The following CDH2 variants were observed in gnomAD, a reference collection of about 807,000 sequenced individuals.
CDH2 encodes cadherin-2.
A neutral mutation model predicts 92.0 loss-of-function variants in CDH2; 17 were observed. The ratio of observed to expected loss-of-function variants is 0.18; its 90% confidence interval spans 0.13 to 0.28. CDH2 has a LOEUF of 0.28. Ranked by LOEUF, CDH2 falls within the 10% of genes least tolerant of loss-of-function variation. CDH2 has a pLI of 1.00. For synonymous variants in CDH2, 419 were observed against 415.9 expected (o/e 1.01, Z -0.09); for missense variants, 862 against 1,133.1 (o/e 0.76, Z 3.44).
At chr18:27,941,407 A>G (rs1028010133) in intron 6 of CDH2, among the ~76,000 whole-genome samples, 1 of 152,146 alleles carries the variant, frequency 6.6e-6, no homozygotes, top group African/African-American at 2.4e-5. Flanking sequence ...CCTAACATTT[A>G]TACAGCCTTT....
intron 6 of CDH2, among the ~76,000 whole-genome samples, chr18:27,944,608 C>G (rs1309681881): frequency 6.6e-6 from 1 of 151,988 alleles, no homozygotes; most frequent in Non-Finnish European, 1.5e-5. Context: ...TCTGCCTCCT[C>G]ATCCAAGAGT....
intron 2 of CDH2, among the ~76,000 whole-genome samples, chr18:28,093,150 C>A (rs2015066775): frequency 6.6e-6 from 1 of 151,962 alleles, no homozygotes; most frequent in Non-Finnish European, 1.5e-5. Context: ...TTTTAAAATA[C>A]AATTGATGAC....
At chr18:28,140,871 T>C (rs533953297) in intron 2 of CDH2, among the ~76,000 whole-genome samples, 2 of 145,666 alleles carry the variant, frequency 1.4e-5, no homozygotes, top group South Asian at 4.4e-4. Context: ...AACAAACAAT[T>C]TGAATAGACA....
At chr18:27,979,590 G>C (rs967225943) in intron 14 of CDH2, among the ~76,000 whole-genome samples, 1 of 152,162 alleles carries the variant, frequency 6.6e-6, no homozygotes, top group Non-Finnish European at 1.5e-5. Context: ...AAGTAGGATG[G>C]ATACATAAAA....
At chr18:28,127,744 G>A (rs918809205) in intron 2 of CDH2, among the ~76,000 whole-genome samples, 9 of 152,104 alleles carry the variant, frequency 5.9e-5, no homozygotes, top group Non-Finnish European at 1.2e-4. Context: ...ATTTCAAGAC[G>A]AATTCAAATA....
intron 14 of CDH2, among the ~76,000 whole-genome samples, chr18:27,975,410 C>A (rs992785455): frequency 6.6e-6 from 1 of 152,214 alleles, no homozygotes; most frequent in Admixed American, 6.5e-5. Flanking sequence ...ATTTTCTTGA[C>A]CTCTTTGTGG....
intron 7 of CDH2, 58 bp from the exon 8 acceptor site, chr18:27,993,695 A>AACT: frequency 1.5e-6 from 2 of 1,330,640 alleles, no homozygotes; most frequent in Non-Finnish European, 2.1e-6. Flanking sequence ...AAGACATAAC[A>AACT]GTTGTTCTGT....
At chr18:28,105,979 T>G (rs1176877577) in intron 2 of CDH2, among the ~76,000 whole-genome samples, 2 of 152,200 alleles carry the variant, frequency 1.3e-5, no homozygotes, top group Admixed American at 6.5e-5. Flanking sequence ...TTGAGTAGAA[T>G]TCATTCTCTT....
intron 14 of CDH2, among the ~76,000 whole-genome samples, chr18:27,965,778 T>A (rs2011518605): frequency 6.7e-6 from 1 of 150,120 alleles, no homozygotes; most frequent in Non-Finnish European, 1.5e-5. Context: ...AGGTCAGGAG[T>A]TCAAGACCAG....
chr18:28,128,573 C>T (rs1736895327), intron 2 of CDH2, among the ~76,000 whole-genome samples: 2 of 152,000 alleles, frequency 1.3e-5, no homozygotes, highest in South Asian at 4.2e-4. Flanking sequence ...GTAGTCCCAG[C>T]TACTTGGGAG....
intron 2 of CDH2, among the ~76,000 whole-genome samples, chr18:28,124,156 C>A (rs1329808046): frequency 6.6e-6 from 1 of 151,916 alleles, no homozygotes; most frequent in Admixed American, 6.6e-5. Flanking sequence ...AGTTTCTTCC[C>A]CACCCTCATC....
At chr18:28,069,807 A>G (rs2014581206) in intron 2 of CDH2, among the ~76,000 whole-genome samples, 3 of 152,056 alleles carry the variant, frequency 2.0e-5, no homozygotes. Flanking sequence ...TGACATTGCA[A>G]CTTTTCTGGA....
intron 2 of CDH2, among the ~76,000 whole-genome samples, chr18:28,056,088 T>A (rs985209650): frequency 6.7e-6 from 1 of 149,638 alleles, no homozygotes; most frequent in Non-Finnish European, 1.5e-5. Flanking sequence ...TTTTTTTTTT[T>A]AAGAGAAAAA....
chr18:28,034,132 G>A (rs1009470940), intron 2 of CDH2, among the ~76,000 whole-genome samples: 11 of 152,130 alleles, frequency 7.2e-5, no homozygotes, highest in African/African-American at 2.2e-4. Flanking sequence ...AGTTATGGTC[G>A]TGGTTGCGCT....
chr18:28,019,756 A>T (rs565488121), intron 2 of CDH2, among the ~76,000 whole-genome samples: 1 of 152,284 alleles, frequency 6.6e-6, no homozygotes, highest in East Asian at 1.9e-4. Flanking sequence ...GAGTTTTAAA[A>T]ACAGGTGCTA....
At chr18:28,150,489 C>T (rs28365320) in intron 1 of CDH2, among the ~76,000 whole-genome samples, 33 of 152,248 alleles carry the variant, frequency 2.2e-4, no homozygotes, top group Non-Finnish European at 4.0e-4. Flanking sequence ...AGGGCCATGT[C>T]GAAGCTGTCA....
intron 2 of CDH2, among the ~76,000 whole-genome samples, chr18:28,139,274 C>T (rs565530716): frequency 1.3e-5 from 2 of 152,028 alleles, no homozygotes; most frequent in East Asian, 3.9e-4. Flanking sequence ...AAGTGTCTCC[C>T]CTCTTCTGCA....
chr18:27,963,737 T>C (rs1240156267), intron 14 of CDH2: 1 of 522,780 alleles, frequency 1.9e-6, no homozygotes, highest in African/African-American at 1.9e-5. Context: ...GTGCTCCATC[T>C]GCTTTACAAT....
At chr18:28,158,246 G>A (rs1338558815) in intron 1 of CDH2, among the ~76,000 whole-genome samples, 2 of 152,174 alleles carry the variant, frequency 1.3e-5, no homozygotes, top group Admixed American at 6.5e-5. Context: ...GCATTGCAGC[G>A]AAAGGAGGCA....
Sources: gnomAD v4.1 joint callset for allele counts (sites outside exome capture counted in the v4.1 genomes callset) on GRCh38, gnomAD v4.1.1 for gene constraint, MANE v1.5 for transcripts, NCBI Gene and HGNC (gene_info 2026-07-23, HGNC 2026-07-21) for gene names.